CALD1: variants seen among roughly 807,000 people sequenced by gnomAD.
CALD1 encodes the protein caldesmon 1.
CALD1 carries 33 observed loss-of-function variants against 99.9 expected under a neutral mutation model. The ratio of observed to expected loss-of-function variants is 0.33; its 90% CI spans 0.25 to 0.44. The LOEUF (loss-of-function observed/expected upper bound fraction) is 0.44. Ranked by LOEUF, CALD1 falls within the 20% of genes least tolerant of loss-of-function variation. CALD1 has a pLI of 1.00. For missense variants in CALD1, 861 were observed against 962.1 expected (o/e 0.89, Z 1.39); for synonymous variants, 310 against 325.0 (o/e 0.95, Z 0.50).
At chr7:134,925,147 A>G (rs1029961066) in intron 3 of CALD1, among the ~76,000 whole-genome samples, 4 of 152,166 alleles carry the variant, frequency 2.6e-5, no homozygotes, top group African/African-American at 9.7e-5. Flanking sequence ...ATGATTGCCT[A>G]TAAACTTTAA....
rs552791018 is a variant in CALD1 at position 134,828,738 on chromosome 7, T to C, written c.-129-15146T>C. The stretch of plus-strand genomic sequence containing the variant: ...CCAAAAAAGCATATTATAAGCCTTC[T>C]GTTTTTCAAACTACAACACTTGGAG... On this transcript the variant is annotated intron_variant, in intron 1 of 14. Transcript: ENST00000361675. Among the ~76,000 whole-genome samples, 19 of 152,368 alleles carry C rather than the reference T, an allele frequency of 1.2e-4. No individual in the cohort carries two copies. In the South Asian group the frequency reaches 3.5e-3, roughly 28 times the overall value.
intron 1 of CALD1, among the ~76,000 whole-genome samples, chr7:134,769,450 T>C (rs1796858468): frequency 6.6e-6 from 1 of 152,228 alleles, no homozygotes; most frequent in Non-Finnish European, 1.5e-5. Flanking sequence ...ACCAATCTGG[T>C]TGTCATTGTT....
the CALD1 span, among the ~76,000 whole-genome samples, chr7:134,725,614 C>T: frequency 6.6e-6 from 1 of 152,192 alleles, no homozygotes; most frequent in African/African-American, 2.4e-5. Flanking sequence ...CTGAAAGGAT[C>T]AATTTATTTC....
chr7:134,812,183 A>G (rs1195915051), intron 1 of CALD1, among the ~76,000 whole-genome samples: 1 of 152,196 alleles, frequency 6.6e-6, no homozygotes, highest in Non-Finnish European at 1.5e-5. Context: ...TTTTTGGAGA[A>G]CAAATTGTTA....
intron 3 of CALD1, among the ~76,000 whole-genome samples, chr7:134,911,874 T>C (rs775455204): frequency 6.6e-6 from 1 of 152,128 alleles, no homozygotes; most frequent in South Asian, 2.1e-4. Flanking sequence ...TGGGAGATAA[T>C]ACACAAATAA....
intron 2 of CALD1, among the ~76,000 whole-genome samples, chr7:134,865,123 G>GA (rs1345113627): frequency 2.0e-5 from 3 of 151,964 alleles, no homozygotes; most frequent in African/African-American, 4.8e-5. Context: ...AGTAGGGGTA[G>GA]GGCAGGAAAT....
rs528299068 is a variant in CALD1 at position 134,849,712 on chromosome 7, G to T, written c.-42+5741G>T. ...GTAATTGAATTTAAAAGCAAAATAAGGGTGCTGTGATATTTTTATGAAATG... is the reference window on the plus strand; with the variant it reads ...GTAATTGAATTTAAAAGCAAAATAATGGTGCTGTGATATTTTTATGAAATG... On this transcript the variant is annotated intron_variant, in intron 2 of 14. Coordinates refer to ENST00000361675, the MANE Select transcript of CALD1 (RefSeq NM_033138.4). Among the ~76,000 whole-genome samples the T allele has an allele frequency of 7.2e-4, 110 of 152,224 alleles. No individual in the cohort carries two copies. In the Middle Eastern group the frequency reaches 0.01, roughly 14 times the overall value.
intron 1 of CALD1, among the ~76,000 whole-genome samples, chr7:134,748,382 G>A (rs1206767549): frequency 6.6e-6 from 1 of 152,196 alleles, no homozygotes; most frequent in East Asian, 1.9e-4. Context: ...AAACTTCAGG[G>A]CTCATGGGAT....
At position 134,970,279 on chromosome 7, in the gene CALD1, T is replaced by C. The variant is rs1312468614; in HGVS notation, c.*1934T>C. The C allele has an allele frequency of 1.3e-5, 2 of 152,242 alleles. No homozygotes were observed. Among genetic ancestry groups the C allele is most frequent in the Admixed American group, 6.5e-5 (1 of 15,284 alleles). The allele number at this position is 152,242 out of a possible 1,614,324, so 9.4% of individuals were successfully genotyped here. A position where few individuals can be genotyped will look rare whatever the true frequency, so the allele number is the denominator to read the frequency against. The stretch of plus-strand genomic sequence containing the variant: ...CCTATGGTAAGGTAACATTGCTTTG[T>C]TGTACTTTTGAACAAGAGCTCCTCC... On this transcript the variant is annotated 3_prime_UTR_variant, in exon 15 of 15. Transcript: ENST00000361675.
chr7:134,722,459 C>G, the CALD1 span, among the ~76,000 whole-genome samples: 1 of 152,020 alleles, frequency 6.6e-6, no homozygotes, highest in Non-Finnish European at 1.5e-5. Flanking sequence ...CTTCCTCTGT[C>G]GCCCAGGCTG....
At chr7:134,902,165 A>G (rs575094200) in intron 3 of CALD1, among the ~76,000 whole-genome samples, 1 of 152,178 alleles carries the variant, frequency 6.6e-6, no homozygotes, top group South Asian at 2.1e-4. Context: ...TTCTAAGTGA[A>G]TATTTTCTCG....
At chr7:134,839,669 C>T (rs1282985734) in intron 1 of CALD1, among the ~76,000 whole-genome samples, 1 of 152,068 alleles carries the variant, frequency 6.6e-6, no homozygotes, top group Non-Finnish European at 1.5e-5. Context: ...AGCACTTTTT[C>T]ATACACTTGT....
intron 12 of CALD1, 66 bp from the exon 13 acceptor site, chr7:134,960,467 T>G: frequency 1.1e-6 from 1 of 941,042 alleles, no homozygotes; most frequent in Non-Finnish European, 1.7e-6. Flanking sequence ...GAATTTGCTT[T>G]GAAAATTCCT....
At chr7:134,848,740 C>T (rs1444630200) in intron 2 of CALD1, among the ~76,000 whole-genome samples, 1 of 152,128 alleles carries the variant, frequency 6.6e-6, no homozygotes, top group Non-Finnish European at 1.5e-5. Context: ...CACAGAATTA[C>T]AAAATTATAA....
chr7:134,849,217 G>C (rs1363806950), intron 2 of CALD1, among the ~76,000 whole-genome samples: 2 of 152,298 alleles, frequency 1.3e-5, no homozygotes, highest in South Asian at 4.1e-4. Flanking sequence ...GCAAAACACA[G>C]GCATGCACTG....
At chr7:134,879,689 A>G (rs1056407459) in intron 3 of CALD1, among the ~76,000 whole-genome samples, 19 of 152,216 alleles carry the variant, frequency 1.2e-4, no homozygotes, top group African/African-American at 3.1e-4. Context: ...TTTTGCCAGC[A>G]TGATGGAAGT....
chr7:134,745,762 A>C (rs939740308), intron 1 of CALD1, among the ~76,000 whole-genome samples: 1 of 152,124 alleles, frequency 6.6e-6, no homozygotes, highest in African/African-American at 2.4e-5. Flanking sequence ...AATATACTTC[A>C]TCTTCTTTTA....
Position 134,969,256 on chromosome 7 carries a change from G to A in CALD1, c.*911G>A, listed in dbSNP as rs1343513233. 1 of 152,198 alleles carries A rather than the reference G, an allele frequency of 6.6e-6. No individual in the cohort carries two copies. Among genetic ancestry groups the A allele is most frequent in the East Asian group, 1.9e-4 (1 of 5,196 alleles). The allele number at this position is 152,198 out of a possible 1,614,324, so 9.4% of individuals were successfully genotyped here. A position where few individuals can be genotyped will look rare whatever the true frequency, so the allele number is the denominator to read the frequency against. ...TGATGACCTATAAGAAGAAAGTATTGAAAAGAAGAGAGATTAGAACTGTTA... is the reference window on the plus strand; with the variant it reads ...TGATGACCTATAAGAAGAAAGTATTAAAAAGAAGAGAGATTAGAACTGTTA... On this transcript the variant is annotated 3_prime_UTR_variant, in exon 15 of 15. Coordinates refer to ENST00000361675, the MANE Select transcript of CALD1 (RefSeq NM_033138.4).
chr7:134,800,605 A>G (rs1184162189), intron 1 of CALD1, among the ~76,000 whole-genome samples: 1 of 151,726 alleles, frequency 6.6e-6, no homozygotes, highest in Non-Finnish European at 1.5e-5. Context: ...TTTCTGTCTA[A>G]TTATCTTAAA....
Sources: allele counts gnomAD v4.1 joint callset (sites outside exome capture counted in the v4.1 genomes callset), GRCh38; gene constraint gnomAD v4.1.1; transcripts MANE v1.5; gene names NCBI Gene and HGNC (gene_info 2026-07-23, HGNC 2026-07-21).